The following PIP5K1C variants were observed in gnomAD, a reference collection of about 807,000 sequenced individuals.
PIP5K1C encodes phosphatidylinositol 4-phosphate 5-kinase type-1 gamma.
PIP5K1C carries 45 observed loss-of-function variants against 80.1 expected under a neutral mutation model. The ratio of observed to expected loss-of-function variants is 0.56; its 90% CI spans 0.44 to 0.72. The LOEUF is 0.72. PIP5K1C is among the 30% of genes least tolerant of loss of function. The pLI, the probability that PIP5K1C is intolerant of heterozygous loss-of-function variation, is 0.00. For synonymous variants in PIP5K1C, 498 were observed against 420.1 expected, an observed-to-expected ratio of 1.19 and a Z score of -2.27; for missense variants, 753 against 954.6, an observed-to-expected ratio of 0.79 and a Z score of 2.78.
intron 1 of PIP5K1C, among the ~76,000 whole-genome samples, chr19:3,671,224 G>C (rs1258635713): frequency 2.6e-5 from 4 of 152,224 alleles, no homozygotes; most frequent in Non-Finnish European, 5.9e-5. Flanking sequence ...ACACCCACTT[G>C]GGTGACTCAG....
chr19:3,634,481 A>G (rs1218516003), intron 16 of PIP5K1C, among the ~76,000 whole-genome samples: 1 of 152,186 alleles, frequency 6.6e-6, no homozygotes, highest in East Asian at 1.9e-4. Context: ...CTCGGCCTGA[A>G]GTGCCAGGCC....
chr19:3,639,709 C>G (rs892357054), intron 15 of PIP5K1C, among the ~76,000 whole-genome samples: 1 of 151,992 alleles, frequency 6.6e-6, no homozygotes, highest in Non-Finnish European at 1.5e-5. Flanking sequence ...GGATCACAGA[C>G]GGAAGCCTCC....
At chr19:3,670,573 C>T (rs75193754) in intron 1 of PIP5K1C, among the ~76,000 whole-genome samples, 39 of 152,366 alleles carry the variant, frequency 2.6e-4, no homozygotes, top group Middle Eastern at 3.4e-3. Context: ...AGAACAAACG[C>T]CTGTTCAAGG....
intron 11 of PIP5K1C, among the ~76,000 whole-genome samples, chr19:3,645,616 C>G (rs2034181374): frequency 6.6e-6 from 1 of 152,186 alleles, no homozygotes; most frequent in Admixed American, 6.5e-5. Context: ...ACACTGTGAG[C>G]TATCTGCTGA....
Position 3,630,587 on chromosome 19 carries a change from C to T in PIP5K1C, c.*2580G>A, listed in dbSNP as rs1234281100. ...GTGGAGACAGTACCATGGTGAAGGA[C>T]CCCATGGCAATGGGAGTATTGCACT... On this transcript the variant is annotated 3_prime_UTR_variant, in exon 18 of 18. Coordinates refer to ENST00000335312, the MANE Select transcript of PIP5K1C (RefSeq NM_012398.3). 6.6e-6 allele frequency: 1 copy of T among 152,380 alleles called. No homozygotes were observed. The highest frequency in any genetic ancestry group is 2.4e-5 in the African/African-American group (1 of 41,310). The allele number at this position is 152,380 out of a possible 1,614,324, so 9.4% of individuals were successfully genotyped here.
At position 3,643,289 on chromosome 19, in the gene PIP5K1C, T is replaced by C. The variant is rs200558261; in HGVS notation, c.1603A>G (p.Ile535Val). The stretch of plus-strand genomic sequence containing the variant: ...GTCTCCGAGGGGGACCGCTCAGGAA[T>C]GGAGAGGGATGTGGATGACAGAGTC... Reference protein sequence around the residue: ...ATTLSSTSLSIPERSPSETSE... With the variant: ...ATTLSSTSLSVPERSPSETSE... Residue 535 changes from isoleucine to valine, a missense_variant, in exon 13 of 18, where the codon ATT becomes GTT. Physicochemically the swap from Ile to Val is conservative, Grantham distance 29 (BLOSUM62 3). Around this residue, in one of 6 missense-constraint regions of PIP5K1C, gnomAD observed 315 missense variants for 294.5 expected, o/e 1.07. Coordinates refer to ENST00000335312, the MANE Select transcript of PIP5K1C (RefSeq NM_012398.3). 9.9e-6 allele frequency: 16 copies of C among 1,613,900 alleles called. No homozygotes were observed. The Admixed American group carries it at 1.7e-4, about 17-fold the overall frequency.
intron 15 of PIP5K1C, 120 bp from the exon 16 acceptor site, chr19:3,639,136 C>G: frequency 1.7e-6 from 2 of 1,193,590 alleles, no homozygotes; most frequent in Non-Finnish European, 2.4e-6. Context: ...AAAAGCCAGG[C>G]AGCTGACCAC....
At chr19:3,644,384 G>T in intron 11 of PIP5K1C, 133 bp from the exon 12 acceptor site, 2 of 879,708 alleles carry the variant, frequency 2.3e-6, no homozygotes, top group Non-Finnish European at 3.5e-6. Flanking sequence ...AGGCCAGGAA[G>T]CACCACAACC....
Position 3,649,045 on chromosome 19 carries a change from TAA to T in PIP5K1C, c.1128-339_1128-338del, listed in dbSNP as rs199638122. Among the ~76,000 whole-genome samples the T allele has an allele frequency of 5.6e-3, 830 of 149,436 alleles. 9 individuals are homozygous for T. The highest frequency in any genetic ancestry group is 0.02 in the African/African-American group (790 of 40,390). On this transcript the variant is annotated intron_variant, in intron 8 of 17. Coordinates refer to ENST00000335312, the MANE Select transcript of PIP5K1C (RefSeq NM_012398.3). ...GGGTCTCAGGTACAGACTGGGGAGT[TAA>T]TTGTCACCCGGCACCATGCCCACAC...
chr19:3,645,005 C>T (rs150001863), intron 11 of PIP5K1C, among the ~76,000 whole-genome samples: 67 of 152,362 alleles, frequency 4.4e-4, no homozygotes, highest in African/African-American at 1.5e-3. Flanking sequence ...GGTGTGGGGA[C>T]AGGCTCAACG....
At chr19:3,690,173 G>C (rs1005001127) in intron 1 of PIP5K1C, among the ~76,000 whole-genome samples, 1 of 151,888 alleles carries the variant, frequency 6.6e-6, no homozygotes, top group Non-Finnish European at 1.5e-5. Flanking sequence ...TAGCATGAAG[G>C]TAAAGGCAGA....
chr19:3,667,433 C>G, intron 1 of PIP5K1C, 80 bp from the exon 2 acceptor site: 4 of 1,538,764 alleles, frequency 2.6e-6, no homozygotes, highest in Non-Finnish European at 2.7e-6. Context: ...GGCCCACCTT[C>G]TGGCGCCCCA....
rs1291019899 is a variant in PIP5K1C, at chr19:3,643,311, A to C, written c.1581T>G (p.Thr527=). 1 of 1,614,016 alleles carries C rather than the reference A, an allele frequency of 6.2e-7. No individual in the cohort carries two copies. The highest frequency in any genetic ancestry group is 8.5e-7 in the Non-Finnish European group (1 of 1,179,970). Residue 527 remains threonine, a synonymous_variant, in exon 13 of 18, where the codon ACT becomes ACG. Coordinates refer to ENST00000335312, the MANE Select transcript of PIP5K1C (RefSeq NM_012398.3). ...GAATGGAGAGGGATGTGGATGACAG[A>C]GTCGTGGCAATGGAGGCTGTAGTGG... ...EEATTASIAT[T]LSSTSLSIPE... is the part of the protein sequence containing the mutation.
chr19:3,698,379 C>T (rs1177011572), intron 1 of PIP5K1C, among the ~76,000 whole-genome samples: 2 of 152,228 alleles, frequency 1.3e-5, no homozygotes, highest in African/African-American at 2.4e-5. Flanking sequence ...GGGACATCGG[C>T]GGGACCAACT....
At chr19:3,636,939 G>A (rs2033711984) in intron 16 of PIP5K1C, 2 of 1,010,860 alleles carry the variant, frequency 2.0e-6, no homozygotes, top group Non-Finnish European at 2.4e-6. Context: ...GCGTCCCAGG[G>A]GGACCTCCTT....
intron 3 of PIP5K1C, among the ~76,000 whole-genome samples, chr19:3,664,298 A>G (rs1251876618): frequency 1.3e-5 from 2 of 152,250 alleles, no homozygotes; most frequent in Admixed American, 6.5e-5. Context: ...ACGGCTGCAC[A>G]ACTCTGCATA....
chr19:3,640,176 A>G (rs941111098), intron 15 of PIP5K1C, among the ~76,000 whole-genome samples: 2 of 152,220 alleles, frequency 1.3e-5, no homozygotes, highest in Non-Finnish European at 2.9e-5. Flanking sequence ...ATTTGGTAAC[A>G]GTGCAAGCAT....
intron 2 of PIP5K1C, 94 bp downstream of exon 2, chr19:3,667,228 G>T: frequency 8.9e-7 from 1 of 1,117,482 alleles, no homozygotes; most frequent in Non-Finnish European, 1.3e-6. Context: ...GAGAGGTGTA[G>T]TGAGCTGCCC....
chr19:3,695,996 G>A lies in PIP5K1C; in HGVS notation c.94+4301C>T, dbSNP rs2036091128. Among the ~76,000 whole-genome samples the A allele has an allele frequency of 8.5e-5, 13 of 152,174 alleles. No homozygotes were observed. In the South Asian group the frequency reaches 2.7e-3, roughly 31 times the overall value. On this transcript the variant is annotated intron_variant, in intron 1 of 17. Transcript: ENST00000335312. ...TCCTCCTGCTTCAGCCTCCCAAAAT[G>A]CTGGGATTACAGGTGTGAGCCACCG...
Sources: allele counts gnomAD v4.1 joint callset (sites outside exome capture counted in the v4.1 genomes callset), GRCh38; gene constraint gnomAD v4.1.1; regional missense constraint gnomAD v4.1.1; transcripts MANE v1.5; gene names NCBI Gene and HGNC (gene_info 2026-07-23, HGNC 2026-07-21).